DHX29: variants seen among roughly 807,000 people sequenced by gnomAD.
DHX29 encodes DExH-box helicase 29.
In DHX29, 79 loss-of-function variants were observed where a neutral mutation model predicts 167.9. That is an observed-to-expected ratio of 0.47 (90% CI 0.39 to 0.57). The LOEUF (loss-of-function observed/expected upper bound fraction) is 0.57. Ranked by LOEUF, DHX29 falls within the 20% of genes least tolerant of loss-of-function variation. The pLI, the probability that DHX29 is intolerant of heterozygous loss-of-function variation, is 0.00. For synonymous variants in DHX29, 530 were observed against 546.0 expected (o/e 0.97, Z 0.41); for missense variants, 1,347 against 1,593.4 (o/e 0.85, Z 2.63).
In DHX29 at chr5:55,296,212, T is replaced by C. The variant is rs561841905; in HGVS notation, c.505+8A>G. The stretch of plus-strand genomic sequence containing the variant: ...TAGAAACTGAAAGAATTTAATGATA[T>C]TGTTTACCATCTGAAAGGTTTAAAC... On this transcript the variant is annotated splice_region_variant and intron_variant, in intron 4 of 26. Transcript: ENST00000251636. 1.1e-5 allele frequency: 17 copies of C among 1,600,498 alleles called. No homozygotes were observed. Among genetic ancestry groups the C allele is most frequent in the East Asian group, 6.7e-5 (3 of 44,676 alleles).
intron 8 of DHX29, among the ~76,000 whole-genome samples, chr5:55,286,531 G>A (rs890407984): frequency 6.6e-6 from 1 of 152,140 alleles, no homozygotes; most frequent in Admixed American, 6.6e-5. Context: ...TCAGCTGTCT[G>A]CCACCGGCAC....
intron 11 of DHX29, among the ~76,000 whole-genome samples, chr5:55,282,512 G>A (rs944785066): frequency 3.9e-5 from 6 of 152,058 alleles, no homozygotes; most frequent in Non-Finnish European, 8.8e-5. Flanking sequence ...TTTTAATGAA[G>A]GGGTACCCAG....
At chr5:55,281,030 GTATACACACACACACACATGCTATATGTA>G (rs1342103782) in intron 12 of DHX29, among the ~76,000 whole-genome samples, 2 of 149,436 alleles carry the variant, frequency 1.3e-5, no homozygotes, top group African/African-American at 5.0e-5. Flanking sequence ...GTATATATAT[GTATACACACACACACACATGCTATATGTA>G]TATACACACA....
intron 26 of DHX29, among the ~76,000 whole-genome samples, chr5:55,258,258 C>A (rs1046741942): frequency 2.0e-5 from 3 of 152,196 alleles, no homozygotes; most frequent in Admixed American, 6.5e-5. Flanking sequence ...TCTAATCATA[C>A]CTCCAAATAT....
intron 12 of DHX29, chr5:55,279,691 TA>T (rs1747297364): frequency 6.4e-6 from 1 of 156,250 alleles, no homozygotes; most frequent in South Asian, 2.0e-4. Context: ...TAAACCTAGC[TA>T]ATGTGTGGGG....
chr5:55,278,813 T>C (rs948338781), intron 12 of DHX29, among the ~76,000 whole-genome samples: 3 of 152,146 alleles, frequency 2.0e-5, no homozygotes, highest in Non-Finnish European at 4.4e-5. Flanking sequence ...AGAAGGATCA[T>C]ACTAACTTTC....
At chr5:55,266,224 C>G (rs1383446626) in intron 23 of DHX29, among the ~76,000 whole-genome samples, 1 of 151,512 alleles carries the variant, frequency 6.6e-6, no homozygotes, top group East Asian at 1.9e-4. Flanking sequence ...GTCTTGAACT[C>G]CTGACCTCAT....
intron 3 of DHX29, among the ~76,000 whole-genome samples, chr5:55,296,657 G>A (rs1748338527): frequency 6.6e-6 from 1 of 152,010 alleles, no homozygotes; most frequent in East Asian, 1.9e-4. Context: ...TATAACATAA[G>A]CACCTTCCCA....
intron 23 of DHX29, among the ~76,000 whole-genome samples, chr5:55,266,030 C>T (rs866887060): frequency 2.0e-5 from 3 of 150,560 alleles, no homozygotes; most frequent in Non-Finnish European, 4.4e-5. Flanking sequence ...GACGGAGTCT[C>T]GTTCTGTCAC....
Position 55,274,977 on chromosome 5 carries a change from C to A in DHX29, c.2461G>T (p.Asp821Tyr). 6.2e-7 allele frequency: 1 copy of A among 1,613,794 alleles called. No individual in the cohort carries two copies. Among genetic ancestry groups the A allele is most frequent in the Non-Finnish European group, 8.5e-7 (1 of 1,179,906 alleles). ...TACTTTTGGTAAAATGGATTTAAATCAGCATGTGCTCCAGTCTGAACTGGG... is the reference window on the plus strand; with the variant it reads ...TACTTTTGGTAAAATGGATTTAAATAAGCATGTGCTCCAGTCTGAACTGGG... ...YIPVQTGAHA[D>Y]LNPFYQKYSS... The change falls in exon 15 of 27, where the codon GAT becomes TAT. Residue 821 changes from aspartate (D) to tyrosine (Y), a missense_variant. By Grantham distance (160) the Asp-to-Tyr change is radical. Coordinates refer to ENST00000251636, the MANE Select transcript of DHX29 (RefSeq NM_019030.4).
intron 12 of DHX29, among the ~76,000 whole-genome samples, chr5:55,278,384 T>C (rs1315462404): frequency 1.3e-5 from 2 of 152,230 alleles, no homozygotes; most frequent in East Asian, 3.8e-4. Flanking sequence ...CCACTTACAG[T>C]GTGACTTAGG....
chr5:55,268,039 T>C (rs1391725302), intron 21 of DHX29, among the ~76,000 whole-genome samples: 3 of 152,202 alleles, frequency 2.0e-5, no homozygotes, highest in Non-Finnish European at 4.4e-5. Flanking sequence ...CAGTTATTTT[T>C]TGTTTCATTT....
intron 11 of DHX29, among the ~76,000 whole-genome samples, chr5:55,282,117 A>G (rs1470312653): frequency 6.6e-6 from 1 of 152,148 alleles, no homozygotes; most frequent in African/African-American, 2.4e-5. Flanking sequence ...AGATGTTGAG[A>G]AAAAAACTGT....
At chr5:55,276,463 T>A in intron 13 of DHX29, 57 bp from the exon 14 acceptor site, 1 of 1,384,778 alleles carries the variant, frequency 7.2e-7, no homozygotes, top group Non-Finnish European at 9.9e-7. Context: ...GTAAATATCA[T>A]TTTAAAGAGA....
Position 55,302,606 on chromosome 5 carries a change from A to C in DHX29, c.188-3942T>G, listed in dbSNP as rs1561173099. Among the ~76,000 whole-genome samples the C allele has an allele frequency of 2.0e-5, 3 of 152,112 alleles. No individual in the cohort carries two copies. The South Asian group carries it at 6.2e-4, about 32-fold the overall frequency. On this transcript the variant is annotated intron_variant, in intron 1 of 26. Transcript: ENST00000251636. ...AGTGACCCTATCAAAAAAAAAAAAA[A>C]AAAAAACTGGTTGGTTTTTAATTTA...
At position 55,261,456 on chromosome 5, in the gene DHX29, GT is replaced by G; in HGVS notation, c.3871del (p.Thr1291ProfsTer12). ...RVYLRETTLI[T>X]PFPVLLFGGD... Reference sequence around the variant, plus strand: ...ACCAAAAAGTAAAACTGGAAAAGGGGTTATTAGGGTAGTTTCTCTCAAATAC... The same window carrying G: ...ACCAAAAAGTAAAACTGGAAAAGGGGTATTAGGGTAGTTTCTCTCAAATAC... On this transcript the variant is annotated frameshift_variant, in exon 25 of 27. Transcript: ENST00000251636. LOFTEE classifies it high-confidence loss of function. 6.4e-7 allele frequency: 1 copy of G among 1,572,194 alleles called. No homozygotes were observed. Among genetic ancestry groups the G allele is most frequent in the Non-Finnish European group, 8.8e-7 (1 of 1,142,616 alleles).
chr5:55,264,477 T>C (rs1017190628), intron 23 of DHX29, among the ~76,000 whole-genome samples: 2 of 152,196 alleles, frequency 1.3e-5, no homozygotes, highest in Non-Finnish European at 2.9e-5. Flanking sequence ...TAATAGAATT[T>C]CCTGAAAAGG....
chr5:55,301,713 C>CAAAAAAAAAAAAAAAAAAA (rs70992777), intron 1 of DHX29, among the ~76,000 whole-genome samples: 5 of 64,740 alleles, frequency 7.7e-5, no homozygotes, highest in Admixed American at 1.9e-4. Flanking sequence ...AACTCCATCT[C>CAAAAAAAAAAAAAAAAAAA]AAAAAAAAAA....
chr5:55,289,539 CTTAT>C, intron 7 of DHX29, 111 bp from the exon 8 acceptor site: 2 of 826,020 alleles, frequency 2.4e-6, no homozygotes, highest in East Asian at 6.7e-5. Context: ...GTTTTCATGC[CTTAT>C]TTTTTAAAAT....
Sources: gnomAD v4.1 joint callset for allele counts (sites outside exome capture counted in the v4.1 genomes callset) on GRCh38, gnomAD v4.1.1 for gene constraint, MANE v1.5 for transcripts, NCBI Gene and HGNC (gene_info 2026-07-23, HGNC 2026-07-21) for gene names.